Variants in NDUFB5 observed in about 807,000 individuals in gnomAD.
NDUFB5 encodes the protein NADH dehydrogenase [ubiquinone] 1 beta subcomplex subunit 5, mitochondrial.
Under a neutral mutation model 19.4 loss-of-function variants are expected in NDUFB5, and 19 were observed. That is an observed-to-expected ratio of 0.98 (90% CI 0.68 to 1.43). The LOEUF (loss-of-function observed/expected upper bound fraction) is 1.43, where lower values mean the gene tolerates loss of function less well. Among genes scored for constraint, NDUFB5 ranks in the 40% most tolerant of loss-of-function variants. The probability of loss-of-function intolerance (pLI) is 0.00; values close to 1 mark genes in which losing one functional copy is unlikely to be tolerated. For synonymous variants in NDUFB5, 80 were observed against 82.6 expected, an observed-to-expected ratio of 0.97 and a Z score of 0.17; for missense variants, 233 against 236.5, an observed-to-expected ratio of 0.99 and a Z score of 0.10.
Position 179,616,057 on chromosome 3 carries a change from A to C in NDUFB5, c.280+8A>C, listed in dbSNP as rs759890002. Reference sequence around the variant, plus strand: ...TGGTGAATGTATTCATTGGTAAGTCACTTCCATCCCCTGCCAGCACCACCA... The same window carrying C: ...TGGTGAATGTATTCATTGGTAAGTCCCTTCCATCCCCTGCCAGCACCACCA... On this transcript the variant is annotated splice_region_variant and intron_variant, in intron 3 of 5. Transcript: ENST00000259037. 1 of 1,610,650 alleles carries C rather than the reference A, an allele frequency of 6.2e-7. No individual in the cohort carries two copies. The highest frequency in any genetic ancestry group is 8.5e-7 in the Non-Finnish European group (1 of 1,178,108).
intron 1 of NDUFB5, among the ~76,000 whole-genome samples, chr3:179,610,356 G>C (rs1032860536): frequency 2.6e-5 from 4 of 152,160 alleles, no homozygotes; most frequent in Admixed American, 2.6e-4. Context: ...GCCTCCCAAA[G>C]TGCTGGGATT....
At chr3:179,610,170 G>A (rs6778219) in intron 1 of NDUFB5, among the ~76,000 whole-genome samples, 67,111 of 152,010 alleles carry the variant, frequency 0.44, 16,904 homozygotes, top group East Asian at 0.64. Context: ...ATAGCTCACT[G>A]TAGCCTCAAC....
chr3:179,608,710 T>G (rs1418162088), intron 1 of NDUFB5, among the ~76,000 whole-genome samples: 2 of 152,098 alleles, frequency 1.3e-5, no homozygotes, highest in Non-Finnish European at 2.9e-5. Context: ...CTTAGTAAAT[T>G]TACTTAATTT....
intron 1 of NDUFB5, among the ~76,000 whole-genome samples, chr3:179,609,584 A>C (rs992671837): frequency 2.6e-5 from 4 of 151,988 alleles, no homozygotes; most frequent in African/African-American, 9.7e-5. Context: ...GCTTTCCTCC[A>C]CCTGGGGCCC....
chr3:179,604,918 C>G lies in NDUFB5; in HGVS notation c.103C>G (p.Arg35Gly). ...CCTCGGATTTGGGGGCTTCCTCACT[C>G]GTGGCTTTCCGAAGGCTGCTGGTGG... ...TRLGFGGFLT[R>G]GFPKAAAPVR... Residue 35 changes from arginine (R) to glycine (G), a missense_variant, in exon 1 of 6, where the codon CGT becomes GGT. Arg to Gly is a moderately radical substitution (Grantham distance 125). Transcript: ENST00000259037. 1 of 1,585,926 alleles carries G rather than the reference C, an allele frequency of 6.3e-7. No individual in the cohort carries two copies. Among genetic ancestry groups the G allele is most frequent in the East Asian group, 2.2e-5 (1 of 44,654 alleles).
chr3:179,607,099 C>T (rs1036597704), intron 1 of NDUFB5, among the ~76,000 whole-genome samples: 1 of 152,212 alleles, frequency 6.6e-6, no homozygotes, highest in Non-Finnish European at 1.5e-5. Context: ...TCTCTTTCCA[C>T]ATTATTGCCC....
In NDUFB5 at chr3:179,617,027, C is replaced by T. The variant is rs1415276584; in HGVS notation, c.325C>T (p.His109Tyr). The T allele has an allele frequency of 6.2e-7, 1 of 1,610,552 alleles. No individual in the cohort carries two copies. Among genetic ancestry groups the T allele is most frequent in the East Asian group, 2.2e-5 (1 of 44,840 alleles). ...AEIPEGYVPE[H>Y]WEYYKHPISR... ...AATTCCAGAAGGCTATGTCCCAGAACACTGGGAATATTATAAGGTTTGTAT... is the reference window on the plus strand; with the variant it reads ...AATTCCAGAAGGCTATGTCCCAGAATACTGGGAATATTATAAGGTTTGTAT... The change falls in exon 4 of 6, where the codon CAC becomes TAC. Residue 109 changes from histidine (H) to tyrosine (Y), a missense_variant. Physicochemically the swap from His to Tyr is moderately conservative, Grantham distance 83. Coordinates refer to ENST00000259037, the MANE Select transcript of NDUFB5 (RefSeq NM_002492.4).
In NDUFB5 at chr3:179,615,051, A is replaced by C. The variant is rs1226297524; in HGVS notation, c.205A>C (p.Lys69Gln). 6.2e-7 allele frequency: 1 copy of C among 1,604,578 alleles called. No homozygotes were observed. Among genetic ancestry groups the C allele is most frequent in the Non-Finnish European group, 8.5e-7 (1 of 1,173,980 alleles). Residue 69 changes from lysine to glutamine, a missense_variant, in exon 2 of 6, where the codon AAG becomes CAG. Coordinates refer to ENST00000259037, the MANE Select transcript of NDUFB5 (RefSeq NM_002492.4). ...PSRFYDRRFL[K>Q]LLRFYIALTG... is the part of the protein sequence containing the mutation. Reference sequence around the variant, plus strand: ...TAGATTCTATGACAGGCGTTTTTTGAAGTTATTGGTAAGTTTAAATTTTTT... The same window carrying C: ...TAGATTCTATGACAGGCGTTTTTTGCAGTTATTGGTAAGTTTAAATTTTTT...
At chr3:179,608,198 GT>G (rs890940633) in intron 1 of NDUFB5, among the ~76,000 whole-genome samples, 25 of 147,962 alleles carry the variant, frequency 1.7e-4, no homozygotes, top group Admixed American at 3.4e-4. Flanking sequence ...GTTTTGTTTT[GT>G]TTTTTTTTGA....
intron 5 of NDUFB5, 126 bp downstream of exon 5, chr3:179,618,647 G>A (rs561106649): frequency 1.2e-5 from 8 of 662,268 alleles, no homozygotes; most frequent in South Asian, 5.2e-5. Flanking sequence ...ATAAAGATAC[G>A]TCCAGATGCA....
In NDUFB5 at chr3:179,624,041, G is replaced by T; in HGVS notation, c.*1G>T. 2.5e-6 allele frequency: 4 copies of T among 1,612,246 alleles called. No individual in the cohort carries two copies. Among genetic ancestry groups the T allele is most frequent in the Non-Finnish European group, 3.4e-6 (4 of 1,178,922 alleles). ...TCCGAAAGCAACTCCTGACAATTAA[G>T]CATTTTTTTCTCCAAATACAAAGTA... On this transcript the variant is annotated 3_prime_UTR_variant, in exon 6 of 6. Transcript: ENST00000259037.
rs4855099 is a variant in NDUFB5, at chr3:179,608,774, C to T, written c.124+3835C>T. Among the ~76,000 whole-genome samples, 1,204 of 152,240 alleles carry T rather than the reference C, an allele frequency of 7.9e-3. 4 individuals are homozygous for T. Among genetic ancestry groups the T allele is most frequent in the Non-Finnish European group, 0.011 (749 of 68,014 alleles). On this transcript the variant is annotated intron_variant, in intron 1 of 5. Coordinates refer to ENST00000259037, the MANE Select transcript of NDUFB5 (RefSeq NM_002492.4). ...CCTTATCTTATCTCCTGCTAAATCA[C>T]GGAGGTTTGGGAAGTTCCTTCAGAC... is the stretch of plus-strand genomic sequence containing the variant.
intron 1 of NDUFB5, among the ~76,000 whole-genome samples, chr3:179,605,981 G>T (rs984288071): frequency 1.3e-5 from 2 of 152,040 alleles, no homozygotes; most frequent in Admixed American, 6.6e-5. Context: ...TAGTAGAGAT[G>T]GGGTTTCACC....
At chr3:179,622,843 A>C (rs1719574437) in intron 5 of NDUFB5, among the ~76,000 whole-genome samples, 1 of 152,180 alleles carries the variant, frequency 6.6e-6, no homozygotes, top group South Asian at 2.1e-4. Flanking sequence ...ATTCTATAAA[A>C]ACAGAAAGTA....
rs56727188 is a variant in NDUFB5 at position 179,624,795 on chromosome 3, CTTTTTTTTT to C, written c.*768_*776del. On this transcript the variant is annotated 3_prime_UTR_variant, in exon 6 of 6. Coordinates refer to ENST00000259037, the MANE Select transcript of NDUFB5 (RefSeq NM_002492.4). ...GCATTTTTTAACATTATTTTCTTTT[CTTTTTTTTT>C]TTTTTTTTTTTTGACGAAATCTTGC... The C allele has an allele frequency of 2.1e-5, 2 of 97,276 alleles. No homozygotes were observed. Among genetic ancestry groups the C allele is most frequent in the Non-Finnish European group, 2.2e-5 (1 of 46,016 alleles). 6.0% of individuals were successfully genotyped at this position (97,276 alleles called of 1,614,324 possible).
chr3:179,606,543 T>C (rs1348416357), intron 1 of NDUFB5, among the ~76,000 whole-genome samples: 1 of 152,162 alleles, frequency 6.6e-6, no homozygotes, highest in African/African-American at 2.4e-5. Context: ...TTTCATCATG[T>C]TGGCTAGGCT....
intron 2 of NDUFB5, chr3:179,615,572 G>A (rs910485597): frequency 4.3e-6 from 2 of 463,332 alleles, no homozygotes; most frequent in African/African-American, 2.0e-5. Context: ...TACGAACAAA[G>A]TAGAGGCTTA....
intron 1 of NDUFB5, 30 bp from the exon 2 acceptor site, chr3:179,614,941 G>A (rs1220099340): frequency 2.0e-6 from 3 of 1,478,722 alleles, no homozygotes; most frequent in Non-Finnish European, 2.8e-6. Flanking sequence ...TATGAACCTT[G>A]TATAAAACAG....
intron 1 of NDUFB5, among the ~76,000 whole-genome samples, chr3:179,607,974 G>A (rs938908601): frequency 6.6e-6 from 1 of 152,058 alleles, no homozygotes; most frequent in Admixed American, 6.6e-5. Flanking sequence ...TCTGTCAATT[G>A]GGTTGCATCT....
Sources: gnomAD v4.1 joint callset for allele counts (sites outside exome capture counted in the v4.1 genomes callset) on GRCh38, gnomAD v4.1.1 for gene constraint, MANE v1.5 for transcripts, NCBI Gene and HGNC (gene_info 2026-07-23, HGNC 2026-07-21) for gene names.